The following MCCC2 variants were observed in gnomAD, a reference collection of about 807,000 sequenced individuals.
The protein encoded by MCCC2 is methylcrotonoyl-CoA carboxylase beta chain, mitochondrial.
A neutral mutation model predicts 77.2 loss-of-function variants in MCCC2; 52 were observed. The observed-to-expected ratio is 0.67, with a 90% confidence interval of 0.54 to 0.85. The LOEUF (loss-of-function observed/expected upper bound fraction) is 0.85, where lower values mean the gene tolerates loss of function less well. Ranked by LOEUF, MCCC2 falls within the 40% of genes least tolerant of loss-of-function variation. MCCC2 has a pLI of 0.00. For missense variants in MCCC2, 682 were observed against 703.2 expected, an observed-to-expected ratio of 0.97 and a Z score of 0.34; for synonymous variants, 253 against 248.4, an observed-to-expected ratio of 1.02 and a Z score of -0.18.
At chr5:71,645,750 CG>C (rs1431378878) in intron 12 of MCCC2, among the ~76,000 whole-genome samples, 1 of 152,166 alleles carries the variant, frequency 6.6e-6, no homozygotes, top group Non-Finnish European at 1.5e-5. Context: ...TCATCCTTGA[CG>C]CAACAATAGT....
intron 10 of MCCC2, among the ~76,000 whole-genome samples, chr5:71,638,789 G>A (rs191934790): frequency 4.9e-4 from 74 of 152,304 alleles, no homozygotes; most frequent in African/African-American, 1.7e-3. Context: ...CCAAAGTGCT[G>A]AGAATACAGG....
At position 71,650,050 on chromosome 5, in the gene MCCC2, C is replaced by A. The variant is rs761903116; in HGVS notation, c.1374-19C>A. Reference sequence around the variant, plus strand: ...TGTATATTGACTTAATTTGTTTATTCTTCCTTTTCTTCCCCCAGCCCAAGA... The same window carrying A: ...TGTATATTGACTTAATTTGTTTATTATTCCTTTTCTTCCCCCAGCCCAAGA... On this transcript the variant is annotated intron_variant, in intron 14 of 16. Transcript: ENST00000340941. 7.6e-6 allele frequency: 12 copies of A among 1,588,044 alleles called. No individual in the cohort carries two copies. Among genetic ancestry groups the A allele is most frequent in the Non-Finnish European group, 9.5e-6 (11 of 1,156,472 alleles).
intron 14 of MCCC2, 121 bp downstream of exon 14, chr5:71,649,374 C>A: frequency 2.1e-6 from 2 of 972,982 alleles, no homozygotes; most frequent in Non-Finnish European, 3.2e-6. Flanking sequence ...TCAATTATAC[C>A]GTAATTTGTA....
In MCCC2 at chr5:71,624,756, G is replaced by A. The variant is rs1041638925; in HGVS notation, c.625-1884G>A. On this transcript the variant is annotated intron_variant, in intron 6 of 16. Transcript: ENST00000340941. ...GTCGCCCAGGCTGGAGTGCAGTGGCGTGATCTCGGCTCAGGGCAACCTCCG... is the reference window on the plus strand; with the variant it reads ...GTCGCCCAGGCTGGAGTGCAGTGGCATGATCTCGGCTCAGGGCAACCTCCG... Among the ~76,000 whole-genome samples, 15 of 144,028 alleles carry A rather than the reference G, an allele frequency of 1.0e-4. No individual in the cohort carries two copies. The South Asian group carries it at 1.1e-3, about 11-fold the overall frequency. 94.5% of individuals were successfully genotyped at this position (144,028 alleles called of 152,430 possible).
intron 15 of MCCC2, among the ~76,000 whole-genome samples, chr5:71,652,220 A>C (rs1044903741): frequency 6.6e-6 from 1 of 152,216 alleles, no homozygotes; most frequent in Non-Finnish European, 1.5e-5. Flanking sequence ...ACTTGACTGA[A>C]AAGGTTATTC....
chr5:71,606,130 A>G (rs1745667306), intron 6 of MCCC2, among the ~76,000 whole-genome samples: 1 of 151,722 alleles, frequency 6.6e-6, no homozygotes, highest in South Asian at 2.1e-4. Context: ...TGGTAGCTTG[A>G]TGGGGATGGC....
intron 1 of MCCC2, among the ~76,000 whole-genome samples, chr5:71,587,837 C>T (rs910711727): frequency 6.6e-6 from 1 of 152,194 alleles, no homozygotes; most frequent in Non-Finnish European, 1.5e-5. Context: ...TACTCTGGAC[C>T]TTGTGGGTCT....
intron 15 of MCCC2, among the ~76,000 whole-genome samples, chr5:71,652,053 T>C (rs1195857805): frequency 6.6e-6 from 1 of 152,216 alleles, no homozygotes; most frequent in Non-Finnish European, 1.5e-5. Flanking sequence ...TTGTTTCTGC[T>C]GTCGAGTTGC....
chr5:71,593,038 T>C (rs903815768), intron 2 of MCCC2, 46 bp downstream of exon 2: 16 of 1,472,110 alleles, frequency 1.1e-5, no homozygotes, highest in Non-Finnish European at 1.5e-5. Context: ...ACTTAAGATG[T>C]CCTAAAATAG....
intron 7 of MCCC2, among the ~76,000 whole-genome samples, chr5:71,628,669 A>C (rs149223177): frequency 4.5e-4 from 69 of 152,300 alleles, no homozygotes; most frequent in African/African-American, 1.5e-3. Context: ...TGGCAGAAAA[A>C]AACTTTTACT....
rs1270169556 is a variant in MCCC2 at position 71,658,177 on chromosome 5, T to TA, written c.*1319dup. ...ACCAAGATCTTAATCTTCACATCTT[T>TA]AATCTTATCTCTTTGACTCCTCTTT... is the stretch of plus-strand genomic sequence containing the variant. On this transcript the variant is annotated 3_prime_UTR_variant, in exon 17 of 17. Transcript: ENST00000340941. The TA allele has an allele frequency of 6.6e-6, 1 of 152,218 alleles. No homozygotes were observed. Among genetic ancestry groups the TA allele is most frequent in the Non-Finnish European group, 1.5e-5 (1 of 68,056 alleles). The allele number at this position is 152,218 out of a possible 1,614,324, so 9.4% of individuals were successfully genotyped here. A position where few individuals can be genotyped will look rare whatever the true frequency, so the allele number is the denominator to read the frequency against.
At position 71,646,211 on chromosome 5, in the gene MCCC2, G is replaced by C; in HGVS notation, c.1150G>C (p.Gly384Arg). 1 of 1,613,022 alleles carries C rather than the reference G, an allele frequency of 6.2e-7. No homozygotes were observed. The highest frequency in any genetic ancestry group is 8.5e-7 in the Non-Finnish European group (1 of 1,179,222). The part of the protein sequence containing the change: ...GVLFSESAKK[G>R]THFVQLCCQR... Reference sequence around the variant, plus strand: ...AGATTTTTATGTTATTTGCTTATAGGGTACTCACTTTGTCCAGTTATGCTG... The same window carrying C: ...AGATTTTTATGTTATTTGCTTATAGCGTACTCACTTTGTCCAGTTATGCTG... Residue 384 changes from glycine to arginine, a missense_variant and splice_region_variant, in exon 13 of 17, where the codon GGT (glycine) becomes CGT (arginine). By Grantham distance (125) the Gly-to-Arg change is moderately radical. Coordinates refer to ENST00000340941, the MANE Select transcript of MCCC2 (RefSeq NM_022132.5).
intron 1 of MCCC2, among the ~76,000 whole-genome samples, chr5:71,588,407 A>C (rs1257299495): frequency 1.3e-5 from 2 of 152,230 alleles, no homozygotes; most frequent in African/African-American, 4.8e-5. Context: ...GGAAAATTTC[A>C]CTGTGTTCCC....
At chr5:71,639,398 CT>C (rs879464546) in intron 10 of MCCC2, among the ~76,000 whole-genome samples, 353 of 145,618 alleles carry the variant, frequency 2.4e-3, no homozygotes, top group Middle Eastern at 0.011. Flanking sequence ...GTACAAATGG[CT>C]TTTTTTTTTT....
At chr5:71,646,071 A>AG in intron 12 of MCCC2, 140 bp from the exon 13 acceptor site, 1 of 657,688 alleles carries the variant, frequency 1.5e-6, no homozygotes, top group East Asian at 3.1e-5. Context: ...CTTTAAAAAA[A>AG]AAAAATTAAT....
At chr5:71,650,268 C>T in intron 15 of MCCC2, 85 bp downstream of exon 15, 1 of 1,139,394 alleles carries the variant, frequency 8.8e-7, no homozygotes, top group Non-Finnish European at 1.3e-6. Flanking sequence ...GCCTGGAAGC[C>T]CTTGGTGTTC....
At chr5:71,649,369 T>C in intron 14 of MCCC2, 116 bp downstream of exon 14, 1 of 1,005,214 alleles carries the variant, frequency 9.9e-7, no homozygotes, top group South Asian at 1.4e-5. Flanking sequence ...CTCAATCAAT[T>C]ATACCGTAAT....
At chr5:71,589,082 G>A (rs1460608402) in intron 1 of MCCC2, among the ~76,000 whole-genome samples, 6 of 152,116 alleles carry the variant, frequency 3.9e-5, no homozygotes, top group Non-Finnish European at 7.4e-5. Flanking sequence ...AGATGAAGGA[G>A]TCAAAGTTAG....
intron 8 of MCCC2, among the ~76,000 whole-genome samples, chr5:71,633,532 A>G (rs1160809615): frequency 6.8e-6 from 1 of 146,970 alleles, no homozygotes; most frequent in East Asian, 2.1e-4. Context: ...AATTGTGAGG[A>G]AATGATTGGG....
Sources: gnomAD v4.1 joint callset for allele counts (sites outside exome capture counted in the v4.1 genomes callset) on GRCh38, gnomAD v4.1.1 for gene constraint, MANE v1.5 for transcripts, NCBI Gene and HGNC (gene_info 2026-07-23, HGNC 2026-07-21) for gene names.